The following PCDHA7 variants were observed in gnomAD, a reference collection of about 807,000 sequenced individuals.
The protein encoded by PCDHA7 is protocadherin alpha 7.
PCDHA7 carries 37 observed loss-of-function variants against 57.2 expected under a neutral mutation model. The ratio of observed to expected loss-of-function variants is 0.65; its 90% confidence interval spans 0.50 to 0.85. The LOEUF (loss-of-function observed/expected upper bound fraction) is 0.85, where lower values mean the gene tolerates loss of function less well. PCDHA7 is among the 40% of genes least tolerant of loss of function. The pLI, the probability that PCDHA7 is intolerant of heterozygous loss-of-function variation, is 0.00. For missense variants in PCDHA7, 1,188 were observed against 1,241.8 expected, an observed-to-expected ratio of 0.96 and a Z score of 0.65; for synonymous variants, 553 against 558.8, an observed-to-expected ratio of 0.99 and a Z score of 0.15.
At chr5:140,850,748 G>T (rs2150496861) in intron 1 of PCDHA7, 2 of 1,597,980 alleles carry the variant, frequency 1.3e-6, no homozygotes, top group South Asian at 1.1e-5. Flanking sequence ...GGTCGTACTC[G>T]CAGCAGAGGA....
chr5:140,988,038 T>C (rs1045669411), intron 3 of PCDHA7, among the ~76,000 whole-genome samples: 1 of 152,212 alleles, frequency 6.6e-6, no homozygotes, highest in African/African-American at 2.4e-5. Flanking sequence ...TTTTAGAATC[T>C]GTTTAGGAGC....
chr5:140,981,603 C>T (rs1213864255), intron 2 of PCDHA7, among the ~76,000 whole-genome samples: 4 of 152,052 alleles, frequency 2.6e-5, no homozygotes, highest in Non-Finnish European at 5.9e-5. Context: ...CAAAATGTTC[C>T]TCTAATTTTG....
chr5:140,848,876 C>T (rs2150423222), intron 1 of PCDHA7: 4 of 1,590,940 alleles, frequency 2.5e-6, no homozygotes, highest in Admixed American at 1.7e-5. Context: ...AGGACATTAA[C>T]GACAACCCTC....
Position 140,857,842 on chromosome 5 carries a change from T to C in PCDHA7, c.2355+21104T>C, listed in dbSNP as rs932363961. 33 of 1,597,726 alleles carry C rather than the reference T, an allele frequency of 2.1e-5. 1 individual carries two copies. Among genetic ancestry groups the C allele is most frequent in the Non-Finnish European group, 2.7e-5 (32 of 1,167,518 alleles). ...TGGCTAAGGTGCGCGCAGTGGACGCTGACTCTGGATACAACGCGTGGCTGT... is the reference window on the plus strand; with the variant it reads ...TGGCTAAGGTGCGCGCAGTGGACGCCGACTCTGGATACAACGCGTGGCTGT... On this transcript the variant is annotated intron_variant, in intron 1 of 3. Transcript: ENST00000525929.
At chr5:140,981,584 A>G (rs556917015) in intron 2 of PCDHA7, among the ~76,000 whole-genome samples, 1 of 152,258 alleles carries the variant, frequency 6.6e-6, no homozygotes, top group Non-Finnish European at 1.5e-5. Context: ...AAAAATAAAT[A>G]AAATAAAACA....
intron 1 of PCDHA7, among the ~76,000 whole-genome samples, chr5:140,954,720 T>C (rs1255262640): frequency 1.3e-5 from 2 of 152,168 alleles, no homozygotes; most frequent in African/African-American, 4.8e-5. Context: ...ATTCTGTAGG[T>C]TGTCTTTTCA....
intron 1 of PCDHA7, chr5:140,883,577 G>C: frequency 1.2e-6 from 2 of 1,614,052 alleles, no homozygotes; most frequent in South Asian, 1.1e-5. Context: ...TTCGCTGTGG[G>C]CCACGGCCAG....
intron 1 of PCDHA7, among the ~76,000 whole-genome samples, chr5:140,917,749 C>G (rs2078340847): frequency 6.6e-6 from 1 of 152,144 alleles, no homozygotes; most frequent in African/African-American, 2.4e-5. Flanking sequence ...TCCCATTGGT[C>G]TATGTGTCTG....
At position 140,920,535 on chromosome 5, in the gene PCDHA7, T is replaced by C. The variant is rs75447697; in HGVS notation, c.2356-58414T>C. ...TATGCAATTCGTTAGACTCAGGTTT[T>C]CTATTTCACCTTCGAAGTGTGGCCC... is the stretch of plus-strand genomic sequence containing the variant. On this transcript the variant is annotated intron_variant, in intron 1 of 3. Transcript: ENST00000525929. Among the ~76,000 whole-genome samples the C allele has an allele frequency of 1.3e-3, 198 of 152,336 alleles. 1 individual carries two copies. Among genetic ancestry groups the C allele is most frequent in the African/African-American group, 4.5e-3 (189 of 41,590 alleles).
intron 1 of PCDHA7, chr5:140,858,284 T>C: frequency 6.3e-7 from 1 of 1,596,754 alleles, no homozygotes; most frequent in South Asian, 1.1e-5. Flanking sequence ...GGTGGGGAGC[T>C]GGTCTTACTC....
intron 1 of PCDHA7, among the ~76,000 whole-genome samples, chr5:140,914,220 C>A (rs1210445622): frequency 6.6e-6 from 1 of 152,212 alleles, no homozygotes; most frequent in South Asian, 2.1e-4. Flanking sequence ...TCTCTTTTAG[C>A]TCTAATACTA....
chr5:140,998,243 C>T (rs1554256209), intron 3 of PCDHA7, among the ~76,000 whole-genome samples: 1 of 152,164 alleles, frequency 6.6e-6, no homozygotes, highest in Non-Finnish European at 1.5e-5. Context: ...CATTATTATA[C>T]TCATTTTACT....
At chr5:140,893,150 A>T (rs1398784015) in intron 1 of PCDHA7, among the ~76,000 whole-genome samples, 2 of 152,066 alleles carry the variant, frequency 1.3e-5, no homozygotes, top group African/African-American at 4.8e-5. Flanking sequence ...TCATCTGTTG[A>T]TGGATATTGA....
intron 1 of PCDHA7, chr5:140,881,320 A>G (rs186641452): frequency 3.0e-6 from 3 of 983,610 alleles, no homozygotes; most frequent in East Asian, 1.1e-4. Context: ...GTTAAATTCT[A>G]TTTAACCAGG....
At chr5:140,876,315 C>G (rs2056279391) in intron 1 of PCDHA7, 1 of 1,613,840 alleles carries the variant, frequency 6.2e-7, no homozygotes, top group African/African-American at 1.3e-5. Flanking sequence ...CCTATGGGAT[C>G]AAAATGATTT....
At chr5:140,979,486 C>T (rs1222755275) in intron 2 of PCDHA7, among the ~76,000 whole-genome samples, 1 of 152,032 alleles carries the variant, frequency 6.6e-6, no homozygotes, top group African/African-American at 2.4e-5. Flanking sequence ...TGTGTTCACA[C>T]CTATTAGAGC....
In PCDHA7 at chr5:140,843,187, C is replaced by T. The variant is rs2150354856; in HGVS notation, c.2355+6449C>T. ...CTGCAAGCAGCCCTCGCATCCCGTT[C>T]CGCGTGGGGCTGTACACGGGCGAGA... is the stretch of plus-strand genomic sequence containing the variant. On this transcript the variant is annotated intron_variant, in intron 1 of 3. Transcript: ENST00000525929. 32 of 1,595,934 alleles carry T rather than the reference C, an allele frequency of 2.0e-5. 2 individuals carry two copies. The East Asian group carries it at 2.0e-4, about 10-fold the overall frequency.
At chr5:140,926,693 C>T (rs576013331) in intron 1 of PCDHA7, 12 of 742,944 alleles carry the variant, frequency 1.6e-5, no homozygotes, top group African/African-American at 9.2e-5. Context: ...CTAGCAAGCC[C>T]GGCTCCCAGC....
chr5:140,834,538 T>C lies in PCDHA7; in HGVS notation c.155T>C (p.Leu52Pro). ...TTCGTGGGCCGCATCGCGCAGGACC[T>C]GGGGCTGGAGCTGGCGGAGCTGGTG... The part of the protein sequence containing the change: ...GNFVGRIAQD[L>P]GLELAELVPR... Residue 52 changes from leucine to proline, a missense_variant, in exon 1 of 4, where the codon CTG becomes CCG. This residue lies in a region of PCDHA7 where 194 missense variants were observed against 185.8 expected (regional missense o/e 1.04). Coordinates refer to ENST00000525929, the MANE Select transcript of PCDHA7 (RefSeq NM_018910.3). 3 of 1,614,074 alleles carry C rather than the reference T, an allele frequency of 1.9e-6. No individual in the cohort carries two copies. The highest frequency in any genetic ancestry group is 2.5e-6 in the Non-Finnish European group (3 of 1,180,036).
Sources: gnomAD v4.1 joint callset for allele counts (sites outside exome capture counted in the v4.1 genomes callset) on GRCh38, gnomAD v4.1.1 for gene constraint, gnomAD v4.1.1 regional missense constraint, MANE v1.5 for transcripts, NCBI Gene and HGNC (gene_info 2026-07-23, HGNC 2026-07-21) for gene names.